Variants in C11orf65 observed in about 807,000 individuals in gnomAD.
The protein encoded by C11orf65 is protein MFI.
Under a neutral mutation model 35.3 loss-of-function variants are expected in C11orf65, and 38 were observed. That is an observed-to-expected ratio of 1.08 (90% CI 0.83 to 1.41). The LOEUF (loss-of-function observed/expected upper bound fraction) is 1.41. Ranked by LOEUF, C11orf65 falls within the 40% of genes most tolerant of loss-of-function variation. The pLI, the probability that C11orf65 is intolerant of heterozygous loss-of-function variation, is 0.00. For synonymous variants in C11orf65, 105 were observed against 114.4 expected, an observed-to-expected ratio of 0.92 and a Z score of 0.53; for missense variants, 370 against 367.1, an observed-to-expected ratio of 1.01 and a Z score of -0.06.
At chr11:108,458,310 T>C (rs2093431415) in intron 2 of C11orf65, among the ~76,000 whole-genome samples, 1 of 129,434 alleles carries the variant, frequency 7.7e-6, no homozygotes, top group South Asian at 2.4e-4. Context: ...GCGCCAAAAT[T>C]ACACCACTGC....
intron 2 of C11orf65, among the ~76,000 whole-genome samples, chr11:108,369,954 C>T (rs1203562603): frequency 6.6e-6 from 1 of 152,052 alleles, no homozygotes; most frequent in Admixed American, 6.5e-5. Flanking sequence ...TTCTACTGAT[C>T]CTTTGTTGGT....
At chr11:108,377,550 A>G (rs1347985261) in intron 2 of C11orf65, among the ~76,000 whole-genome samples, 1 of 151,806 alleles carries the variant, frequency 6.6e-6, no homozygotes, top group African/African-American at 2.4e-5. Flanking sequence ...AACTGGAAGC[A>G]TTCCCTTTGA....
At chr11:108,387,716 T>TG (rs1290626189) in intron 7 of C11orf65, among the ~76,000 whole-genome samples, 3 of 151,980 alleles carry the variant, frequency 2.0e-5, no homozygotes, top group Admixed American at 6.5e-5. Context: ...TTTGTAGAGA[T>TG]GGGGTCTCGG....
rs556474009 is a variant in C11orf65, at chr11:108,440,394, G to T, written c.82-8556C>A. Reference sequence around the variant, plus strand: ...TCCACAATGACTGAGGCTTCAGCGGGGATGACTTGAACAGTAGAAATGGCT... The same window carrying T: ...TCCACAATGACTGAGGCTTCAGCGGTGATGACTTGAACAGTAGAAATGGCT... On this transcript the variant is annotated intron_variant, in intron 2 of 8. Transcript: ENST00000393084. 7.9e-5 allele frequency among the ~76,000 whole-genome samples: 12 copies of T among 152,308 alleles called. No homozygotes were observed. In the South Asian group the frequency reaches 2.5e-3, roughly 32 times the overall value.
At chr11:108,421,103 C>T (rs2092809192) in intron 3 of C11orf65, among the ~76,000 whole-genome samples, 1 of 152,200 alleles carries the variant, frequency 6.6e-6, no homozygotes, top group African/African-American at 2.4e-5. Context: ...CAACACCTGG[C>T]AAGCACTAGT....
At chr11:108,326,898 T>G (rs1217446050), downstream of C11orf65, among the ~76,000 whole-genome samples, 2 of 152,212 alleles carry the variant, frequency 1.3e-5, no homozygotes, top group African/African-American at 2.4e-5. Flanking sequence ...CGACATCGGC[T>G]CACCGCAACC....
chr11:108,465,677 T>G (rs971260714), intron 1 of C11orf65, among the ~76,000 whole-genome samples: 1 of 150,100 alleles, frequency 6.7e-6, no homozygotes, highest in Admixed American at 6.8e-5. Context: ...TGAGAATGGA[T>G]TAAAGGTTTT....
chr11:108,405,593 T>G (rs763116889), intron 5 of C11orf65, 34 bp from the exon 6 acceptor site: 73 of 1,605,046 alleles, frequency 4.5e-5, no homozygotes, highest in Non-Finnish European at 5.7e-5. Context: ...TACAAAATGT[T>G]GAAATATCGA....
At chr11:108,399,660 C>A (rs1158790840) in intron 6 of C11orf65, among the ~76,000 whole-genome samples, 1 of 152,206 alleles carries the variant, frequency 6.6e-6, no homozygotes, top group Admixed American at 6.5e-5. Flanking sequence ...GTATGAGCCA[C>A]CTGCTCATGC....
intron 2 of C11orf65, among the ~76,000 whole-genome samples, chr11:108,448,404 A>T (rs2093297126): frequency 6.6e-6 from 1 of 152,220 alleles, no homozygotes; most frequent in African/African-American, 2.4e-5. Flanking sequence ...TGGCCAACCA[A>T]ATCCAGCAGC....
At chr11:108,308,933 T>G in exon 7 of C11orf65, 2 of 1,247,646 alleles carry the variant, frequency 1.6e-6, no homozygotes, top group Non-Finnish European at 2.3e-6. Flanking sequence ...TTCTTGGTGT[T>G]GGGAGGCAGT....
chr11:108,448,907 CCTT>C (rs1455909209), intron 2 of C11orf65, among the ~76,000 whole-genome samples: 16 of 152,284 alleles, frequency 1.1e-4, no homozygotes, highest in African/African-American at 3.9e-4. Context: ...CCCAAAATCT[CCTT>C]AAGCTGATAA....
intron 2 of C11orf65, among the ~76,000 whole-genome samples, chr11:108,451,331 G>A (rs1234264509): frequency 2.0e-5 from 3 of 151,898 alleles, no homozygotes; most frequent in African/African-American, 4.9e-5. Context: ...AAATCAATGT[G>A]CAAAAATCAC....
chr11:108,468,595 A>G (rs2093560561), upstream of C11orf65, among the ~76,000 whole-genome samples: 1 of 152,224 alleles, frequency 6.6e-6, no homozygotes, highest in Admixed American at 6.5e-5. Context: ...ATTTGTACAG[A>G]AAAAATTCTT....
At chr11:108,450,724 T>C (rs929459954) in intron 2 of C11orf65, among the ~76,000 whole-genome samples, 2 of 151,408 alleles carry the variant, frequency 1.3e-5, no homozygotes, top group African/African-American at 4.9e-5. Context: ...TGTATACATA[T>C]GTAAGAAACC....
chr11:108,401,067 C>T (rs2092430104), intron 6 of C11orf65, among the ~76,000 whole-genome samples: 1 of 151,886 alleles, frequency 6.6e-6, no homozygotes, highest in South Asian at 2.1e-4. Context: ...CGAGATTGCG[C>T]CACTGCACTC....
intron 6 of C11orf65, chr11:108,325,281 T>A: frequency 8.6e-7 from 1 of 1,162,604 alleles, no homozygotes; most frequent in Non-Finnish European, 1.3e-6. Flanking sequence ...TTTCTCTTGC[T>A]TACATGAACT....
In C11orf65 at chr11:108,312,872, A is replaced by G. The variant is rs2084296939; in HGVS notation, c.641-3801T>C. Reference sequence around the variant, plus strand: ...ACAGAAGAAGCAGATTGCCTCTTCTATAAATTTCTTGATATCCATTCTTAA... The same window carrying G: ...ACAGAAGAAGCAGATTGCCTCTTCTGTAAATTTCTTGATATCCATTCTTAA... On this transcript the variant is annotated intron_variant, in intron 6 of 6. Coordinates refer to the C11orf65 transcript ENST00000525729. Among the ~76,000 whole-genome samples, 3 of 152,322 alleles carry G rather than the reference A, an allele frequency of 2.0e-5. No individual in the cohort carries two copies. The South Asian group carries it at 6.2e-4, about 32-fold the overall frequency.
chr11:108,407,223 T>A, intron 3 of C11orf65, 74 bp from the exon 4 acceptor site: 1 of 1,075,904 alleles, frequency 9.3e-7, no homozygotes, highest in Non-Finnish European at 1.3e-6. Flanking sequence ...TTTCTCACTC[T>A]ATTATTTTAA....
Sources: allele counts gnomAD v4.1 joint callset (sites outside exome capture counted in the v4.1 genomes callset), GRCh38; gene constraint gnomAD v4.1.1; transcripts MANE v1.5; gene names NCBI Gene and HGNC (gene_info 2026-07-23, HGNC 2026-07-21).